Variants in OTUD7A observed in about 807,000 individuals in gnomAD.
OTUD7A encodes OTU domain-containing protein 7A.
In OTUD7A, 12 loss-of-function variants were observed where a neutral mutation model predicts 65.7. That is an observed-to-expected ratio of 0.18 (90% CI 0.12 to 0.30). OTUD7A has a LOEUF of 0.30. Ranked by LOEUF, OTUD7A falls within the 10% of genes least tolerant of loss-of-function variation. The probability of loss-of-function intolerance (pLI) is 1.00; values close to 1 mark genes in which losing one functional copy is unlikely to be tolerated. For missense variants in OTUD7A, 1,148 were observed against 1,304.8 expected (o/e 0.88, Z 1.85); for synonymous variants, 641 against 586.3 (o/e 1.09, Z -1.35).
intron 8 of OTUD7A, among the ~76,000 whole-genome samples, chr15:31,514,866 T>C (rs61380089): frequency 0.016 from 2,492 of 152,362 alleles, 73 homozygotes; most frequent in African/African-American, 0.057. Context: ...TGAATACATA[T>C]TCACACATAC....
chr15:31,676,284 C>G (rs1224388839), intron 1 of OTUD7A, among the ~76,000 whole-genome samples: 1 of 152,182 alleles, frequency 6.6e-6, no homozygotes, highest in Non-Finnish European at 1.5e-5. Context: ...TTATTGCCAA[C>G]AGACCTTTGC....
intron 3 of OTUD7A, among the ~76,000 whole-genome samples, chr15:31,587,123 C>G (rs538983430): frequency 6.6e-6 from 1 of 152,228 alleles, no homozygotes; most frequent in Non-Finnish European, 1.5e-5. Flanking sequence ...ATGCTTGACT[C>G]TGTTCTTACC....
intron 3 of OTUD7A, among the ~76,000 whole-genome samples, chr15:31,617,166 A>T (rs1890614357): frequency 6.6e-6 from 1 of 152,184 alleles, no homozygotes; most frequent in Non-Finnish European, 1.5e-5. Context: ...GATGAAGCCA[A>T]AAAATGGTTC....
At chr15:31,512,248 T>C (rs1313545803) in intron 8 of OTUD7A, among the ~76,000 whole-genome samples, 4 of 151,988 alleles carry the variant, frequency 2.6e-5, no homozygotes, top group African/African-American at 9.7e-5. Context: ...GCTGAGACTC[T>C]GAGTTTATTC....
chr15:31,514,146 T>A (rs565737830), intron 8 of OTUD7A, among the ~76,000 whole-genome samples: 1 of 151,260 alleles, frequency 6.6e-6, no homozygotes, highest in East Asian at 2.0e-4. Context: ...CTCGAACTCC[T>A]GGGGTCAAGT....
intron 1 of OTUD7A, among the ~76,000 whole-genome samples, chr15:31,694,517 C>T (rs1272920049): frequency 2.6e-5 from 4 of 152,206 alleles, no homozygotes; most frequent in Non-Finnish European, 4.4e-5. Flanking sequence ...TTTAAGGATA[C>T]ATCGTTACAA....
At chr15:31,767,790 G>C (rs1895128490) in intron 1 of OTUD7A, 1 of 738,792 alleles carries the variant, frequency 1.4e-6, no homozygotes, top group Admixed American at 2.3e-5. Flanking sequence ...GATAAGTTTT[G>C]TAATTTAAAA....
intron 1 of OTUD7A, among the ~76,000 whole-genome samples, chr15:31,790,753 G>A (rs1895792374): frequency 6.6e-6 from 1 of 152,110 alleles, no homozygotes; most frequent in Admixed American, 6.5e-5. Context: ...GGGGCCTCTG[G>A]CCCTCAATCC....
At chr15:31,508,709 G>A (rs1303090465) in intron 8 of OTUD7A, among the ~76,000 whole-genome samples, 2 of 152,244 alleles carry the variant, frequency 1.3e-5, no homozygotes, top group East Asian at 1.9e-4. Flanking sequence ...TGGTACCTGT[G>A]TTAAAAGATT....
At chr15:31,756,187 G>T (rs1894807482) in intron 1 of OTUD7A, among the ~76,000 whole-genome samples, 1 of 152,192 alleles carries the variant, frequency 6.6e-6, no homozygotes, top group South Asian at 2.1e-4. Context: ...TGGGTCCTCT[G>T]TTGCTTTTTC....
At chr15:31,532,601 C>A (rs540331539) in intron 5 of OTUD7A, among the ~76,000 whole-genome samples, 1 of 151,522 alleles carries the variant, frequency 6.6e-6, no homozygotes, top group African/African-American at 2.4e-5. Context: ...GTCTGGAGTC[C>A]GTAGAAGAGG....
chr15:31,778,233 A>C (rs1895440424), intron 1 of OTUD7A, among the ~76,000 whole-genome samples: 1 of 152,174 alleles, frequency 6.6e-6, no homozygotes, highest in African/African-American at 2.4e-5. Context: ...GTTCTGCAGG[A>C]ATTCCGGGGG....
intron 5 of OTUD7A, among the ~76,000 whole-genome samples, chr15:31,545,519 A>T (rs1888103574): frequency 6.6e-6 from 1 of 152,150 alleles, no homozygotes; most frequent in Non-Finnish European, 1.5e-5. Flanking sequence ...ACACCTGACA[A>T]AGGTCCCATA....
chr15:31,799,845 G>C lies in OTUD7A; in HGVS notation c.-100+70662C>G, dbSNP rs569498590. Among the ~76,000 whole-genome samples, 8 of 152,198 alleles carry C rather than the reference G, an allele frequency of 5.3e-5. No homozygotes were observed. In the South Asian group the frequency reaches 1.7e-3, roughly 32 times the overall value. On this transcript the variant is annotated intron_variant, in intron 1 of 12. Coordinates refer to ENST00000307050, the MANE Select transcript of OTUD7A (RefSeq NM_001382637.1). The stretch of plus-strand genomic sequence containing the variant: ...ACCCAGGACATGGGGCTTCCCTTCA[G>C]TCAAGGTTCACAGGCTGTGGTGGGA...
At chr15:31,843,749 C>T (rs895125913) in intron 1 of OTUD7A, among the ~76,000 whole-genome samples, 1 of 152,226 alleles carries the variant, frequency 6.6e-6, no homozygotes, top group Admixed American at 6.5e-5. Context: ...ACTAGCAGGG[C>T]CACCTGCATC....
At chr15:31,687,568 C>T (rs1892867503) in intron 1 of OTUD7A, among the ~76,000 whole-genome samples, 1 of 152,198 alleles carries the variant, frequency 6.6e-6, no homozygotes, top group South Asian at 2.1e-4. Flanking sequence ...ATTATAAGGA[C>T]ACTGAAGGTT....
chr15:31,752,175 A>G (rs2141385809), intron 1 of OTUD7A, among the ~76,000 whole-genome samples: 1 of 152,326 alleles, frequency 6.6e-6, no homozygotes, highest in East Asian at 1.9e-4. Context: ...CAAACAAGAA[A>G]GAAAAACACA....
At chr15:31,629,635 T>C (rs1021486128) in intron 3 of OTUD7A, among the ~76,000 whole-genome samples, 1 of 152,230 alleles carries the variant, frequency 6.6e-6, no homozygotes, top group African/African-American at 2.4e-5. Context: ...ATTCCCTCTT[T>C]TTCTATTGAT....
intron 3 of OTUD7A, among the ~76,000 whole-genome samples, chr15:31,592,978 T>G (rs1037475803): frequency 7.0e-5 from 9 of 128,636 alleles, no homozygotes; most frequent in Non-Finnish European, 1.1e-4. Flanking sequence ...TATATATATA[T>G]AGAAGGCATG....
Sources: allele counts gnomAD v4.1 joint callset (sites outside exome capture counted in the v4.1 genomes callset), GRCh38; gene constraint gnomAD v4.1.1; transcripts MANE v1.5; gene names NCBI Gene and HGNC (gene_info 2026-07-23, HGNC 2026-07-21).